Variants in FGF3 observed in about 807,000 individuals in gnomAD.
FGF3 encodes the protein fibroblast growth factor 3.
A neutral mutation model predicts 9.8 loss-of-function variants in FGF3; 7 were observed. The observed-to-expected ratio is 0.72, with a 90% confidence interval of 0.41 to 1.35. FGF3 has a LOEUF of 1.35. Ranked by LOEUF, FGF3 falls within the 40% of genes most tolerant of loss-of-function variation. The pLI, the probability that FGF3 is intolerant of heterozygous loss-of-function variation, is 0.01. For missense variants in FGF3, 390 were observed against 345.6 expected, an observed-to-expected ratio of 1.13 and a Z score of -1.02; for synonymous variants, 173 against 157.2, an observed-to-expected ratio of 1.10 and a Z score of -0.75.
At chr11:69,810,721 G>T in intron 2 of FGF3, 21 bp from the exon 3 acceptor site, 1 of 1,557,870 alleles carries the variant, frequency 6.4e-7, no homozygotes, top group South Asian at 1.2e-5. Flanking sequence ...GAGATATCAT[G>T]GTCAGTGCCC....
At chr11:69,816,651 C>T (rs547136851) in intron 1 of FGF3, among the ~76,000 whole-genome samples, 1 of 152,318 alleles carries the variant, frequency 6.6e-6, no homozygotes, top group African/African-American at 2.4e-5. Context: ...GGGAGGGTAA[C>T]AATGAAATTA....
At position 69,810,637 on chromosome 11, in the gene FGF3, C is replaced by T. The variant is rs1442579536; in HGVS notation, c.388G>A (p.Ala130Thr). The T allele has an allele frequency of 1.2e-6, 2 of 1,600,954 alleles. No individual in the cohort carries two copies. Among genetic ancestry groups the T allele is most frequent in the African/African-American group, 2.7e-5 (2 of 74,670 alleles). The change falls in exon 3 of 3, where the codon GCC (alanine) becomes ACC (threonine). Residue 130 changes from alanine (A) to threonine (T), a missense_variant. Coordinates refer to ENST00000334134, the MANE Select transcript of FGF3 (RefSeq NM_005247.4). ...RIHELGYNTY[A>T]SRLYRTVSST... Reference sequence around the variant, plus strand: ...GACACCGTCCGGTACAGCCGGGAGGCATACGTATTATAGCCCAGCTCGTGG... The same window carrying T: ...GACACCGTCCGGTACAGCCGGGAGGTATACGTATTATAGCCCAGCTCGTGG...
Position 69,818,726 on chromosome 11 carries a change from T to C in FGF3, c.208A>G (p.Asn70Asp). 1 of 1,491,584 alleles carries C rather than the reference T, an allele frequency of 6.7e-7. No individual in the cohort carries two copies. Among genetic ancestry groups the C allele is most frequent in the Non-Finnish European group, 8.9e-7 (1 of 1,127,304 alleles). 92.4% of individuals were successfully genotyped at this position (1,491,584 alleles called of 1,614,324 possible). The change falls in exon 1 of 3, where the codon AAC (asparagine) becomes GAC (aspartate). Residue 70 changes from asparagine (N) to aspartate (D), a missense_variant. Asn to Asp is a conservative substitution (Grantham distance 23, BLOSUM62 1). Transcript: ENST00000334134. ...GTCCGGCACTCACTGTAGGCGCTGT[T>C]CTCCAGGCTGCCGTTGACGCGGCCG... ...PSGRVNGSLE[N>D]SAYSILEITA...
intron 2 of FGF3, among the ~76,000 whole-genome samples, chr11:69,812,990 G>T (rs533001762): frequency 6.6e-6 from 1 of 152,192 alleles, no homozygotes; most frequent in East Asian, 1.9e-4. Context: ...TTGGCTCAGG[G>T]GCCAGGGCCA....
intron 2 of FGF3, among the ~76,000 whole-genome samples, chr11:69,816,071 T>G (rs771697300): frequency 3.3e-5 from 5 of 152,134 alleles, no homozygotes; most frequent in Non-Finnish European, 7.4e-5. Context: ...GGGGAAACCT[T>G]TGCTAACCTG....
chr11:69,811,014 A>T (rs1451393063), intron 2 of FGF3, among the ~76,000 whole-genome samples: 6 of 152,268 alleles, frequency 3.9e-5, no homozygotes, highest in African/African-American at 1.4e-4. Context: ...CTGACACAGC[A>T]AAGGGATGTG....
At chr11:69,815,016 T>C (rs1450661284) in intron 2 of FGF3, among the ~76,000 whole-genome samples, 2 of 151,836 alleles carry the variant, frequency 1.3e-5, no homozygotes, top group Admixed American at 6.6e-5. Flanking sequence ...GATAGGTGTA[T>C]GGATGGATGG....
At chr11:69,813,897 T>C (rs1371625046) in intron 2 of FGF3, among the ~76,000 whole-genome samples, 1 of 146,788 alleles carries the variant, frequency 6.8e-6, no homozygotes, top group Non-Finnish European at 1.5e-5. Flanking sequence ...GGTGGATGGC[T>C]GGATGGATGG....
intron 2 of FGF3, among the ~76,000 whole-genome samples, chr11:69,813,314 C>T (rs1233892659): frequency 6.6e-6 from 1 of 152,162 alleles, no homozygotes; most frequent in Admixed American, 6.5e-5. Flanking sequence ...CCGGAGGAGG[C>T]TCAACCTCTG....
intron 2 of FGF3, among the ~76,000 whole-genome samples, chr11:69,814,817 G>A (rs144982550): frequency 1.4e-3 from 215 of 152,304 alleles, no homozygotes; most frequent in Non-Finnish European, 2.7e-3. Context: ...CCTTCTCAAA[G>A]CCAGGCTGTG....
Position 69,810,312 on chromosome 11 carries a change from G to T in FGF3, c.713C>A (p.Ala238Glu), listed in dbSNP as rs782166974. ...SRLGSQLEAS[A>E]H Reference sequence around the variant, plus strand: ...GGTGGCCACCAGGCCCAGCTAGTGCGCACTGGCCTCCAGCTGGGAGCCCAG... The same window carrying T: ...GGTGGCCACCAGGCCCAGCTAGTGCTCACTGGCCTCCAGCTGGGAGCCCAG... Residue 238 changes from alanine to glutamate, a missense_variant, in exon 3 of 3, where the codon GCG (alanine) becomes GAG (glutamate). Physicochemically the swap from Ala to Glu is moderately radical, Grantham distance 107. Coordinates refer to ENST00000334134, the MANE Select transcript of FGF3 (RefSeq NM_005247.4). 6.4e-6 allele frequency: 10 copies of T among 1,563,694 alleles called. No homozygotes were observed. The highest frequency in any genetic ancestry group is 2.3e-5 in the East Asian group (1 of 42,824).
At chr11:69,818,636 C>T in intron 1 of FGF3, 78 bp downstream of exon 1, 5 of 1,127,552 alleles carry the variant, frequency 4.4e-6, no homozygotes, top group Admixed American at 4.1e-5. Context: ...CCCCGCGGGG[C>T]CCCGCAGCGC....
At chr11:69,816,012 C>T (rs1384686847) in intron 2 of FGF3, among the ~76,000 whole-genome samples, 9 of 152,168 alleles carry the variant, frequency 5.9e-5, no homozygotes, top group African/African-American at 2.2e-4. Context: ...ACAATCACTT[C>T]CCTGCTCTCA....
Position 69,818,973 on chromosome 11 carries a change from G to T in FGF3, c.-40C>A, listed in dbSNP as rs2119941290. ...CGCCCCGCGGCGGCGGCGGCTGCAGGCGAGCGCGGCGCCCATGGAAGGGGC... is the reference window on the plus strand; with the variant it reads ...CGCCCCGCGGCGGCGGCGGCTGCAGTCGAGCGCGGCGCCCATGGAAGGGGC... On this transcript the variant is annotated 5_prime_UTR_variant, in exon 1 of 3. Transcript: ENST00000334134. The T allele has an allele frequency of 7.4e-7, 1 of 1,355,162 alleles. No individual in the cohort carries two copies. The highest frequency in any genetic ancestry group is 3.0e-5 in the East Asian group (1 of 33,138). The allele number at this position is 1,355,162 out of a possible 1,614,324, so 83.9% of individuals were successfully genotyped here.
At position 69,810,191 on chromosome 11, in the gene FGF3, G is replaced by T; in HGVS notation, c.*114C>A. 9.4e-7 allele frequency: 1 copy of T among 1,063,820 alleles called. No individual in the cohort carries two copies. The highest frequency in any genetic ancestry group is 1.3e-6 in the Non-Finnish European group (1 of 758,190). 65.9% of individuals were successfully genotyped at this position (1,063,820 alleles called of 1,614,324 possible). The stretch of plus-strand genomic sequence containing the variant: ...CTGATTTGAGCTGGCTCTGGAAATA[G>T]CTGAGAACCCAGACGCGGGACGCAG... On this transcript the variant is annotated 3_prime_UTR_variant, in exon 3 of 3. Coordinates refer to ENST00000334134, the MANE Select transcript of FGF3 (RefSeq NM_005247.4).
intron 1 of FGF3, among the ~76,000 whole-genome samples, chr11:69,817,787 C>T (rs1263314895): frequency 1.2e-4 from 19 of 152,198 alleles, no homozygotes; most frequent in African/African-American, 4.1e-4. Flanking sequence ...ACTGCCCTCC[C>T]ACGCTCCCCA....
intron 2 of FGF3, among the ~76,000 whole-genome samples, chr11:69,811,473 G>GA (rs200942156): frequency 0.014 from 2,013 of 142,588 alleles, 48 homozygotes; most frequent in African/African-American, 0.05. Context: ...AAAAAGAAAA[G>GA]AAAAAAAAAG....
At chr11:69,817,386 A>G (rs1161017429) in intron 1 of FGF3, 2 of 152,264 alleles carry the variant, frequency 1.3e-5, no homozygotes, top group East Asian at 3.9e-4. Context: ...GCTGGGCGGC[A>G]TCGGCGGTGC....
rs1856198179 is a variant in FGF3 at position 69,819,164 on chromosome 11, A to C, written c.-231T>G. On this transcript the variant is annotated 5_prime_UTR_variant, in exon 1 of 3. Transcript: ENST00000334134. ...GAGAGAGGGAACGCGAGTCCCTTTA[A>C]TTTCCACCCAGGAGCAATGAAATTT... 2 of 388,514 alleles carry C rather than the reference A, an allele frequency of 5.1e-6. No individual in the cohort carries two copies. Among genetic ancestry groups the C allele is most frequent in the East Asian group, 3.9e-5 (1 of 25,344 alleles). 24.1% of individuals were successfully genotyped at this position (388,514 alleles called of 1,614,324 possible).
Sources: allele counts gnomAD v4.1 joint callset (sites outside exome capture counted in the v4.1 genomes callset), GRCh38; gene constraint gnomAD v4.1.1; transcripts MANE v1.5; gene names NCBI Gene and HGNC (gene_info 2026-07-23, HGNC 2026-07-21).